Variants in SDAD1 observed in about 807,000 individuals in gnomAD.
SDAD1 encodes SDA1 domain containing 1, also known as protein SDA1 homolog.
SDAD1 carries 79 observed loss-of-function variants against 100.3 expected under a neutral mutation model. The ratio of observed to expected loss-of-function variants is 0.79; its 90% CI spans 0.66 to 0.95. The LOEUF is 0.95. SDAD1 is among the 40% of genes least tolerant of loss of function. The pLI, the probability that SDAD1 is intolerant of heterozygous loss-of-function variation, is 0.00. For missense variants in SDAD1, 790 were observed against 810.9 expected, an observed-to-expected ratio of 0.97 and a Z score of 0.31; for synonymous variants, 267 against 271.4, an observed-to-expected ratio of 0.98 and a Z score of 0.16.
At chr4:75,961,798 T>C (rs139191985) in intron 14 of SDAD1, among the ~76,000 whole-genome samples, 23 of 152,284 alleles carry the variant, frequency 1.5e-4, no homozygotes, top group Admixed American at 1.1e-3. Context: ...CAATAATAAA[T>C]CACTCGTTCC....
chr4:75,969,457 T>C, intron 10 of SDAD1, 58 bp from the exon 11 acceptor site: 2 of 1,149,148 alleles, frequency 1.7e-6, no homozygotes, highest in East Asian at 2.4e-5. Context: ...GTGACATTTA[T>C]GTAACAGGCG....
In SDAD1 at chr4:75,950,446, A is replaced by C; in HGVS notation, c.*304T>G. On this transcript the variant is annotated 3_prime_UTR_variant, in exon 22 of 22. Transcript: ENST00000356260. ...TCACAGCTAAGCTGTCAATGCCTTG[A>C]GTGAAGGGGTTACAGCTCATTCGTT... 3.6e-6 allele frequency: 1 copy of C among 276,076 alleles called. No individual in the cohort carries two copies. Among genetic ancestry groups the C allele is most frequent in the Non-Finnish European group, 7.0e-6 (1 of 142,054 alleles). 17.1% of individuals were successfully genotyped at this position (276,076 alleles called of 1,614,324 possible). A position where few individuals can be genotyped will look rare whatever the true frequency, so the allele number is the denominator to read the frequency against.
chr4:75,972,402 C>CAAA (rs112522370), intron 8 of SDAD1, among the ~76,000 whole-genome samples: 1 of 122,102 alleles, frequency 8.2e-6, no homozygotes, highest in African/African-American at 3.0e-5. Context: ...TCCGCGGCTC[C>CAAA]AAAAAAAAAA....
chr4:75,957,607 G>A lies in SDAD1; in HGVS notation c.1680C>T (p.Arg560=), dbSNP rs199837124. The A allele has an allele frequency of 6.2e-7, 1 of 1,614,142 alleles. No individual in the cohort carries two copies. The highest frequency in any genetic ancestry group is 8.5e-7 in the Non-Finnish European group (1 of 1,180,016). The change falls in exon 19 of 22, where the codon CGC becomes CGT. Residue 560 remains arginine, a synonymous_variant. Coordinates refer to ENST00000356260, the MANE Select transcript of SDAD1 (RefSeq NM_018115.4). ...VLTQEDFQKI[R]MAQMRKELDA... ...CAAGTTCTTTTCTCATTTGGGCCATGCGGATTTTCTGGAAGTCTTCCTGAG... is the reference window on the plus strand; with the variant it reads ...CAAGTTCTTTTCTCATTTGGGCCATACGGATTTTCTGGAAGTCTTCCTGAG...
Position 75,990,853 on chromosome 4 carries a change from A to G in SDAD1, c.-12T>C. ...TTTCTGTTGGACATTTTGGCTGCAG[A>G]CAGACTTCGCGGCGAGCAGTTTTAA... On this transcript the variant is annotated 5_prime_UTR_variant, in exon 1 of 22. Coordinates refer to ENST00000356260, the MANE Select transcript of SDAD1 (RefSeq NM_018115.4). The G allele has an allele frequency of 6.2e-7, 1 of 1,614,078 alleles. No homozygotes were observed. Among genetic ancestry groups the G allele is most frequent in the Non-Finnish European group, 8.5e-7 (1 of 1,180,010 alleles).
At chr4:75,952,001 G>A (rs185658136) in intron 21 of SDAD1, among the ~76,000 whole-genome samples, 7 of 152,204 alleles carry the variant, frequency 4.6e-5, no homozygotes, top group Admixed American at 3.9e-4. Flanking sequence ...AAACTTTTTG[G>A]ATTTTATGAT....
intron 10 of SDAD1, among the ~76,000 whole-genome samples, chr4:75,969,711 C>T (rs951220376): frequency 4.6e-4 from 70 of 152,264 alleles, no homozygotes; most frequent in Non-Finnish European, 1.2e-4. Context: ...AATGCAGAAG[C>T]TCAGGCCCCA....
intron 1 of SDAD1, among the ~76,000 whole-genome samples, chr4:75,986,278 A>G (rs989357367): frequency 7.2e-5 from 11 of 151,964 alleles, no homozygotes; most frequent in African/African-American, 2.7e-4. Context: ...ATTCATAACT[A>G]CAAACCTCAA....
intron 7 of SDAD1, 112 bp downstream of exon 7, chr4:75,973,964 G>T (rs1173394833): frequency 4.9e-6 from 4 of 817,144 alleles, no homozygotes; most frequent in Middle Eastern, 2.4e-4. Context: ...ACTTCTAACT[G>T]CATGCCTGGT....
At chr4:75,972,109 T>C (rs1475248443) in intron 8 of SDAD1, among the ~76,000 whole-genome samples, 7 of 152,126 alleles carry the variant, frequency 4.6e-5, no homozygotes, top group Admixed American at 2.0e-4. Context: ...TGGCTAATTC[T>C]TGTATTTTTA....
rs904819997 is a variant in SDAD1 at position 75,990,283 on chromosome 4, C to G, written c.90+469G>C. Among the ~76,000 whole-genome samples the G allele has an allele frequency of 9.4e-4, 141 of 149,852 alleles. 3 individuals are homozygous for G. The highest frequency in any genetic ancestry group is 3.1e-3 in the African/African-American group (127 of 40,418). ...CCGTTGTGCTTGAGAAACCCCCCCCCCCCCTTTCCTGGCACAGTCCAGGGT... is the reference window on the plus strand; with the variant it reads ...CCGTTGTGCTTGAGAAACCCCCCCCGCCCCTTTCCTGGCACAGTCCAGGGT... On this transcript the variant is annotated intron_variant, in intron 1 of 21. Transcript: ENST00000356260.
chr4:75,980,342 T>C (rs528429003), intron 3 of SDAD1, among the ~76,000 whole-genome samples: 1 of 152,270 alleles, frequency 6.6e-6, no homozygotes, highest in South Asian at 2.1e-4. Flanking sequence ...ATAAAAATGA[T>C]AGAAATACAA....
chr4:75,989,628 C>A lies in SDAD1; in HGVS notation c.90+1124G>T, dbSNP rs563935888. On this transcript the variant is annotated intron_variant, in intron 1 of 21. Transcript: ENST00000356260. The stretch of plus-strand genomic sequence containing the variant: ...GGTTACACAACTGGTTAACAACAGT[C>A]AGCAGCAGGAGTTATCTAACGGAAT... 5.1e-4 allele frequency among the ~76,000 whole-genome samples: 78 copies of A among 152,368 alleles called. 1 individual carries two copies. Among genetic ancestry groups the A allele is most frequent in the Non-Finnish European group, 7.3e-4 (50 of 68,044 alleles).
intron 20 of SDAD1, among the ~76,000 whole-genome samples, chr4:75,957,106 G>A (rs561880090): frequency 6.6e-6 from 1 of 151,990 alleles, no homozygotes; most frequent in Non-Finnish European, 1.5e-5. Flanking sequence ...AGAGACTGTC[G>A]CAAAAAACAA....
In SDAD1 at chr4:75,975,732, T is replaced by C. The variant is rs1730119814; in HGVS notation, c.578+12A>G. The C allele has an allele frequency of 1.3e-6, 2 of 1,580,072 alleles. No individual in the cohort carries two copies. The highest frequency in any genetic ancestry group is 2.2e-5 in the South Asian group (2 of 90,274). On this transcript the variant is annotated intron_variant, in intron 6 of 21. Coordinates refer to ENST00000356260, the MANE Select transcript of SDAD1 (RefSeq NM_018115.4). ...GAGTCTACTTCTCAAGAGACAAATA[T>C]ATATACACTACCAGATGTTCCTTCT...
At position 75,982,041 on chromosome 4, in the gene SDAD1, C is replaced by A. The variant is rs1435995178; in HGVS notation, c.91-4G>T. ...AGTGATTATACTGCTGTAGAAACTG[C>A]AGAAAAATAAAATTTAAGTTTGTCA... On this transcript the variant is annotated splice_polypyrimidine_tract_variant and splice_region_variant and intron_variant, in intron 1 of 21. Coordinates refer to ENST00000356260, the MANE Select transcript of SDAD1 (RefSeq NM_018115.4). The A allele has an allele frequency of 6.4e-7, 1 of 1,573,700 alleles. No individual in the cohort carries two copies. Among genetic ancestry groups the A allele is most frequent in the South Asian group, 1.1e-5 (1 of 87,224 alleles).
At chr4:75,974,854 A>G (rs1730071339) in intron 6 of SDAD1, among the ~76,000 whole-genome samples, 2 of 152,100 alleles carry the variant, frequency 1.3e-5, no homozygotes, top group South Asian at 4.1e-4. Flanking sequence ...ATCCTGGCCA[A>G]CATGGTGAAA....
Position 75,957,919 on chromosome 4 carries a change from G to A in SDAD1, c.1506C>T (p.Leu502=), listed in dbSNP as rs1436246073. Residue 502 remains leucine (L), a synonymous_variant, in exon 18 of 22, where the codon CTC becomes CTT. Coordinates refer to ENST00000356260, the MANE Select transcript of SDAD1 (RefSeq NM_018115.4). ...CACCATCAGCATCCTCCTCCTCACT[G>A]AGACTGGTACTTTCCCATCCATCTG... ...NDEDGWESTS[L]SEEEDADGEW... 3 of 1,612,868 alleles carry A rather than the reference G, an allele frequency of 1.9e-6. No individual in the cohort carries two copies. Among genetic ancestry groups the A allele is most frequent in the Non-Finnish European group, 2.5e-6 (3 of 1,179,992 alleles).
intron 21 of SDAD1, among the ~76,000 whole-genome samples, chr4:75,951,592 G>A (rs2149304489): frequency 6.6e-6 from 1 of 152,298 alleles, no homozygotes; most frequent in South Asian, 2.1e-4. Context: ...ATCTCCTGGA[G>A]TTTGTCTCTA....
Sources: gnomAD v4.1 joint callset for allele counts (sites outside exome capture counted in the v4.1 genomes callset) on GRCh38, gnomAD v4.1.1 for gene constraint, MANE v1.5 for transcripts, NCBI Gene and HGNC (gene_info 2026-07-23, HGNC 2026-07-21) for gene names.